The following SLCO1B1 variants were observed in gnomAD, a reference collection of about 807,000 sequenced individuals.
SLCO1B1 encodes solute carrier organic anion transporter family member 1B1, also known as OATP-2.
A neutral mutation model predicts 70.1 loss-of-function variants in SLCO1B1; 81 were observed. The ratio of observed to expected loss-of-function variants is 1.16; its 90% CI spans 0.97 to 1.39. The LOEUF is 1.39. Among genes scored for constraint, SLCO1B1 ranks in the 40% most tolerant of loss-of-function variants. The pLI is 0.00. For missense variants in SLCO1B1, 895 were observed against 799.6 expected (o/e 1.12, Z -1.44); for synonymous variants, 283 against 271.5 (o/e 1.04, Z -0.42).
At chr12:21,194,164 C>T (rs1031971088) in intron 7 of SLCO1B1, among the ~76,000 whole-genome samples, 6 of 151,192 alleles carry the variant, frequency 4.0e-5, no homozygotes, top group Admixed American at 4.0e-4. Flanking sequence ...GTACTTTGCC[C>T]GACACCATGC....
chr12:21,221,212 A>G (rs535057116), intron 12 of SLCO1B1, among the ~76,000 whole-genome samples: 1 of 152,336 alleles, frequency 6.6e-6, no homozygotes, highest in Non-Finnish European at 1.5e-5. Flanking sequence ...CTTCATACTG[A>G]AAGGAAAAAA....
intron 7 of SLCO1B1, among the ~76,000 whole-genome samples, chr12:21,185,306 GCTTT>G (rs1940951496): frequency 6.6e-6 from 1 of 152,034 alleles, no homozygotes; most frequent in South Asian, 2.1e-4. Flanking sequence ...ATCAGAATAT[GCTTT>G]CTTCTCATCT....
chr12:21,196,677 C>T (rs11045849), intron 7 of SLCO1B1, among the ~76,000 whole-genome samples: 1,540 of 152,260 alleles, frequency 0.01, 35 homozygotes, highest in South Asian at 0.04. Context: ...GTGATAGAAA[C>T]TGTCCAGTCA....
intron 13 of SLCO1B1, among the ~76,000 whole-genome samples, 198 bp downstream of exon 13, chr12:21,222,562 GAGAC>G (rs1941441743): frequency 6.6e-6 from 1 of 150,880 alleles, no homozygotes; most frequent in Non-Finnish European, 1.5e-5. Flanking sequence ...AAAACAATAA[GAGAC>G]AGAGTAAAAT....
chr12:21,209,418 A>T (rs1336631175), intron 11 of SLCO1B1, among the ~76,000 whole-genome samples: 1 of 152,106 alleles, frequency 6.6e-6, no homozygotes, highest in Non-Finnish European at 1.5e-5. Context: ...ATAGTATTCC[A>T]TGGTGTATAT....
intron 7 of SLCO1B1, among the ~76,000 whole-genome samples, chr12:21,185,632 A>C (rs77142740): frequency 6.6e-6 from 1 of 152,090 alleles, no homozygotes; most frequent in Non-Finnish European, 1.5e-5. Flanking sequence ...GCCTTCATCA[A>C]GAAGGCAGAG....
chr12:21,217,406 T>G (rs1343554996), intron 12 of SLCO1B1, 103 bp downstream of exon 12: 7 of 912,140 alleles, frequency 7.7e-6, no homozygotes, highest in African/African-American at 3.3e-5. Context: ...AATTCATATT[T>G]CATCAAATTT....
In SLCO1B1 at chr12:21,191,920, C is replaced by T. The variant is rs184618327; in HGVS notation, c.728-5026C>T. On this transcript the variant is annotated intron_variant, in intron 7 of 14. Coordinates refer to ENST00000256958, the MANE Select transcript of SLCO1B1 (RefSeq NM_006446.5). Reference sequence around the variant, plus strand: ...CTTTTTTTGTTAATGTGTTACATTACGCTTGGTGATATTTGTTAAACTTAG... The same window carrying T: ...CTTTTTTTGTTAATGTGTTACATTATGCTTGGTGATATTTGTTAAACTTAG... Among the ~76,000 whole-genome samples, 13 of 152,090 alleles carry T rather than the reference C, an allele frequency of 8.5e-5. No homozygotes were observed. The South Asian group carries it at 1.0e-3, about 12-fold the overall frequency.
At chr12:21,171,135 G>GA (rs1243943810) in intron 2 of SLCO1B1, among the ~76,000 whole-genome samples, 2 of 152,194 alleles carry the variant, frequency 1.3e-5, no homozygotes, top group Non-Finnish European at 2.9e-5. Context: ...ATTGATCAAG[G>GA]AAAACCTCAC....
chr12:21,187,518 C>T (rs1940976673), intron 7 of SLCO1B1, among the ~76,000 whole-genome samples: 1 of 151,992 alleles, frequency 6.6e-6, no homozygotes, highest in Non-Finnish European at 1.5e-5. Flanking sequence ...AATTCAGCCT[C>T]TAGATCATGG....
At position 21,197,153 on chromosome 12, in the gene SLCO1B1, C is replaced by G. The variant is rs1391007612; in HGVS notation, c.935C>G (p.Thr312Ser). The G allele has an allele frequency of 3.7e-6, 6 of 1,613,094 alleles. No homozygotes were observed. The highest frequency in any genetic ancestry group is 5.1e-6 in the Non-Finnish European group (6 of 1,179,432). Residue 312 changes from threonine (T) to serine (S), a missense_variant, in exon 8 of 15, where the codon ACC becomes AGC. Transcript: ENST00000256958. ...GAAAAGGATCAAACAGCTAATTTGA[C>G]CAATCAAGGAAAAAATATTACCAAA... The part of the protein sequence containing the change: ...NDEKDQTANL[T>S]NQGKNITKNV...
At chr12:21,162,793 TTTTACAGACACTA>T in intron 2 of SLCO1B1, among the ~76,000 whole-genome samples, 1 of 152,162 alleles carries the variant, frequency 6.6e-6, no homozygotes, top group Non-Finnish European at 1.5e-5. Flanking sequence ...CAGGCAAAGA[TTTTACAGACACTA>T]GAAATAATAT....
intron 10 of SLCO1B1, among the ~76,000 whole-genome samples, chr12:21,203,036 G>GT (rs1199327307): frequency 7.2e-5 from 11 of 152,126 alleles, no homozygotes; most frequent in African/African-American, 1.9e-4. Flanking sequence ...TCAAATTTGA[G>GT]TTTTTTAAGT....
In SLCO1B1 at chr12:21,205,991, T is replaced by C. The variant is rs1283177716; in HGVS notation, c.1455T>C (p.Cys485=). Residue 485 remains cysteine (C), a synonymous_variant, in exon 11 of 15, where the codon TGT becomes TGC. Transcript: ENST00000256958. ...ATGGAATAACTTACATCTCACCCTG[T>C]CTAGCAGGTTGCAAATCTTCAAGTG... ...GNNGITYISP[C]LAGCKSSSGN... 6.2e-7 allele frequency: 1 copy of C among 1,612,254 alleles called. No individual in the cohort carries two copies. Among genetic ancestry groups the C allele is most frequent in the Non-Finnish European group, 8.5e-7 (1 of 1,178,680 alleles).
At chr12:21,210,362 A>C (rs1941268017) in intron 11 of SLCO1B1, among the ~76,000 whole-genome samples, 2 of 124,998 alleles carry the variant, frequency 1.6e-5, no homozygotes, top group Admixed American at 1.6e-4. Context: ...CAAAGATCAG[A>C]TAGTTGTAGA....
chr12:21,198,591 A>C (rs2121142553), intron 8 of SLCO1B1, among the ~76,000 whole-genome samples: 1 of 152,244 alleles, frequency 6.6e-6, no homozygotes, highest in East Asian at 1.9e-4. Flanking sequence ...TGTGACCCTA[A>C]GAAAGAGGAT....
chr12:21,180,022 A>G (rs1010708519), intron 7 of SLCO1B1, among the ~76,000 whole-genome samples: 3 of 152,062 alleles, frequency 2.0e-5, no homozygotes, highest in Non-Finnish European at 2.9e-5. Flanking sequence ...AACACAATCA[A>G]TTTCTACCTA....
intron 7 of SLCO1B1, among the ~76,000 whole-genome samples, chr12:21,188,231 A>G (rs1940985907): frequency 6.6e-6 from 1 of 151,782 alleles, no homozygotes; most frequent in South Asian, 2.1e-4. Context: ...CACCTCTTCC[A>G]CCTCTTCTAC....
In SLCO1B1 at chr12:21,239,209, T is replaced by C; in HGVS notation, c.*20T>C. The C allele has an allele frequency of 6.5e-7, 1 of 1,534,306 alleles. No individual in the cohort carries two copies. The highest frequency in any genetic ancestry group is 9.0e-7 in the Non-Finnish European group (1 of 1,107,720). ...TGTTAAGGGGAGAAAAAAAGCCACT[T>C]CTGCTTCTGTGTTTCCAAACAGCAT... On this transcript the variant is annotated 3_prime_UTR_variant, in exon 15 of 15. Transcript: ENST00000256958.
Sources: gnomAD v4.1 joint callset for allele counts (sites outside exome capture counted in the v4.1 genomes callset) on GRCh38, gnomAD v4.1.1 for gene constraint, MANE v1.5 for transcripts, NCBI Gene and HGNC (gene_info 2026-07-23, HGNC 2026-07-21) for gene names.